The following ARHGAP23 variants were observed in gnomAD, a reference collection of about 807,000 sequenced individuals.
The protein encoded by ARHGAP23 is Rho GTPase activating protein 23, also known as rho GTPase-activating protein 23.
In ARHGAP23, 34 loss-of-function variants were observed where a neutral mutation model predicts 136.3. The observed-to-expected ratio is 0.25, with a 90% CI of 0.19 to 0.33. The LOEUF is 0.33. ARHGAP23 is among the 10% of genes least tolerant of loss of function. The pLI, the probability that ARHGAP23 is intolerant of heterozygous loss-of-function variation, is 1.00. For synonymous variants in ARHGAP23, 832 were observed against 920.5 expected (o/e 0.90, Z 1.74); for missense variants, 1,808 against 2,139.0 (o/e 0.85, Z 3.05).
In ARHGAP23 at chr17:38,493,778, C is replaced by T. The variant is rs971404183; in HGVS notation, c.3276+2246C>T. ...AGGGGTAAAGAGGAACAGCGACTTG[C>T]CCAGGGCCACGCAGCAAGATAATGG... On this transcript the variant is annotated intron_variant, in intron 20 of 23. Coordinates refer to ENST00000622683, the MANE Select transcript of ARHGAP23 (RefSeq NM_001199417.2). Among the ~76,000 whole-genome samples, 6 of 152,202 alleles carry T rather than the reference C, an allele frequency of 3.9e-5. 1 individual carries two copies. The highest frequency in any genetic ancestry group is 3.3e-4 in the Admixed American group (5 of 15,278).
chr17:38,423,296 G>A (rs919249446), intron 1 of ARHGAP23, among the ~76,000 whole-genome samples: 5 of 151,698 alleles, frequency 3.3e-5, no homozygotes, highest in Admixed American at 1.3e-4. Flanking sequence ...GGGTTCAAGC[G>A]ATTCTCCTGC....
intron 23 of ARHGAP23, among the ~76,000 whole-genome samples, chr17:38,502,706 A>G (rs2040548642): frequency 6.6e-6 from 1 of 152,230 alleles, no homozygotes. Context: ...AGATATTTAC[A>G]GAACAAAAAT....
At chr17:38,479,268 C>T (rs1846040735) in intron 12 of ARHGAP23, among the ~76,000 whole-genome samples, 168 bp from the exon 13 acceptor site, 1 of 152,114 alleles carries the variant, frequency 6.6e-6, no homozygotes, top group Non-Finnish European at 1.5e-5. Context: ...TCCCCAAGGC[C>T]TCAGCTGGTG....
intron 1 of ARHGAP23, among the ~76,000 whole-genome samples, chr17:38,445,188 C>T (rs193240327): frequency 1.7e-4 from 25 of 150,552 alleles, no homozygotes; most frequent in Admixed American, 1.1e-3. Flanking sequence ...ATAATACGGC[C>T]GGGTGCTGTG....
chr17:38,479,526 C>G (rs1411911327), intron 13 of ARHGAP23, 29 bp downstream of exon 13: 28 of 1,542,862 alleles, frequency 1.8e-5, no homozygotes, highest in Non-Finnish European at 2.5e-5. Context: ...GGAGCAGTCT[C>G]CTCTGTGGGG....
chr17:38,471,102 G>A (rs577826701), intron 10 of ARHGAP23, among the ~76,000 whole-genome samples: 1 of 151,742 alleles, frequency 6.6e-6, no homozygotes, highest in Non-Finnish European at 1.5e-5. Context: ...ACAGGCATGC[G>A]CCACCACACC....
In ARHGAP23 at chr17:38,435,983, G is replaced by A. The variant is rs575576119; in HGVS notation, c.63+7435G>A. ...CCCCAAGAGAGGTGGAGGAGGGGGC[G>A]GAGGCCCCAGGCTGCAATGGAGGCT... On this transcript the variant is annotated intron_variant, in intron 1 of 23. Transcript: ENST00000622683. Among the ~76,000 whole-genome samples, 58 of 152,274 alleles carry A rather than the reference G, an allele frequency of 3.8e-4. 1 individual carries two copies. The highest frequency in any genetic ancestry group is 6.8e-3 in the Middle Eastern group (2 of 294).
chr17:38,427,978 C>T (rs984429398), upstream of ARHGAP23, among the ~76,000 whole-genome samples: 6 of 152,130 alleles, frequency 3.9e-5, no homozygotes, highest in African/African-American at 1.4e-4. Context: ...TTCTGACTTT[C>T]TCTGCCTCTC....
chr17:38,439,644 C>A (rs8082261), intron 1 of ARHGAP23, among the ~76,000 whole-genome samples: 1 of 152,160 alleles, frequency 6.6e-6, no homozygotes, highest in South Asian at 2.1e-4. Flanking sequence ...ATCCCATGGG[C>A]GATGGATTAT....
rs954919661 is a variant in ARHGAP23, at chr17:38,477,156, G to A, written c.2119-423G>A. On this transcript the variant is annotated intron_variant, in intron 11 of 23. Transcript: ENST00000622683. The surrounding 1 kb of genome is among the most constrained non-coding windows in gnomAD (Gnocchi z 6.6). ...TGGGTGGGCGGCAGGAAAGTGGGGA[G>A]AACAACCCTCTAAGAGTGCGGACGG... Among the ~76,000 whole-genome samples the A allele has an allele frequency of 7.9e-5, 12 of 152,068 alleles. No homozygotes were observed. Among genetic ancestry groups the A allele is most frequent in the African/African-American group, 2.7e-4 (11 of 41,398 alleles).
chr17:38,469,618 C>T lies in ARHGAP23; in HGVS notation c.1899C>T (p.Asp633=), dbSNP rs752061569. 6.9e-5 allele frequency: 107 copies of T among 1,548,738 alleles called. No homozygotes were observed. The Middle Eastern group carries it at 1.1e-3, about 17-fold the overall frequency. The part of the protein sequence containing the change: ...SCDDGLNTFR[D]EGRVLRRLPN... ...ATGATGGACTCAACACCTTCCGCGACGAGGGCCGGGTTCTGCGGTGAGGCC... is the reference window on the plus strand; with the variant it reads ...ATGATGGACTCAACACCTTCCGCGATGAGGGCCGGGTTCTGCGGTGAGGCC... Residue 633 remains aspartate, a synonymous_variant, in exon 9 of 24, where the codon GAC becomes GAT. Transcript: ENST00000622683.
chr17:38,431,306 C>T (rs1017883438), intron 1 of ARHGAP23, among the ~76,000 whole-genome samples: 3 of 152,222 alleles, frequency 2.0e-5, no homozygotes, highest in Non-Finnish European at 4.4e-5. Flanking sequence ...TGGGCCAGGG[C>T]TCGGTTCACT....
In ARHGAP23 at chr17:38,491,416, C is replaced by T. The variant is rs1276870035; in HGVS notation, c.3160C>T (p.Arg1054Trp). The change falls in exon 20 of 24, where the codon CGG (arginine) becomes TGG (tryptophan). Residue 1054 changes from arginine (R) to tryptophan (W), a missense_variant. This residue lies in a region of ARHGAP23 where 22 missense variants were observed against 67.5 expected (regional missense o/e 0.33). Transcript: ENST00000622683. ...TTTCCCTGCTGCCCAGATGGAACCC[C>T]GGAACCTGGCCCTGGTCTTTGGGCC... Reference protein sequence around the residue: ...DHSEKNKMEPRNLALVFGPTL... With the variant: ...DHSEKNKMEPWNLALVFGPTL... 1.3e-6 allele frequency: 2 copies of T among 1,549,566 alleles called. No homozygotes were observed. Among genetic ancestry groups the T allele is most frequent in the Non-Finnish European group, 8.7e-7 (1 of 1,146,862 alleles).
At chr17:38,499,869 C>T (rs1249436203) in intron 22 of ARHGAP23, among the ~76,000 whole-genome samples, 4 of 152,114 alleles carry the variant, frequency 2.6e-5, no homozygotes, top group African/African-American at 7.2e-5. Flanking sequence ...CCCACCAGGA[C>T]GTGTTTCTGG....
chr17:38,453,952 G>A (rs944805587), intron 1 of ARHGAP23: 1 of 145,736 alleles, frequency 6.9e-6, no homozygotes, highest in South Asian at 2.1e-4. Flanking sequence ...CAGTGGCCGG[G>A]CCCGGGAGCC....
intron 1 of ARHGAP23, among the ~76,000 whole-genome samples, chr17:38,433,871 A>G (rs1052715894): frequency 2.6e-5 from 4 of 152,168 alleles, no homozygotes; most frequent in African/African-American, 9.7e-5. Context: ...AGGGACAGAG[A>G]GGAGCCTGGG....
intron 14 of ARHGAP23, among the ~76,000 whole-genome samples, chr17:38,481,253 TCTC>T (rs2040033454): frequency 6.6e-6 from 1 of 152,012 alleles, no homozygotes; most frequent in South Asian, 2.1e-4. Flanking sequence ...TTCACGCCAT[TCTC>T]CTGCCTCAGC....
intron 1 of ARHGAP23, among the ~76,000 whole-genome samples, chr17:38,430,133 C>A (rs1020447344): frequency 6.6e-6 from 1 of 152,126 alleles, no homozygotes; most frequent in Non-Finnish European, 1.5e-5. Flanking sequence ...CCTCTACATT[C>A]AGTGCTGGAT....
chr17:38,479,559 G>A (rs552303151), intron 13 of ARHGAP23, 62 bp downstream of exon 13: 1 of 1,511,018 alleles, frequency 6.6e-7, no homozygotes, highest in Admixed American at 2.0e-5. Context: ...TGAAGGCAAA[G>A]GATGTCTTCC....
Sources: gnomAD v4.1 joint callset for allele counts (sites outside exome capture counted in the v4.1 genomes callset) on GRCh38, gnomAD v4.1.1 for gene constraint, gnomAD v4.1.1 regional missense constraint, Gnocchi (gnomAD v3.1) non-coding constraint, MANE v1.5 for transcripts, NCBI Gene and HGNC (gene_info 2026-07-23, HGNC 2026-07-21) for gene names.